PLCL2: variants seen among roughly 807,000 people sequenced by gnomAD.
PLCL2 encodes the protein inactive phospholipase C-like protein 2.
A neutral mutation model predicts 79.6 loss-of-function variants in PLCL2; 4 were observed. The observed-to-expected ratio is 0.05, with a 90% CI of 0.02 to 0.11. PLCL2 has a LOEUF of 0.11. Among genes scored for constraint, PLCL2 ranks in the 10% least tolerant of loss-of-function variants. PLCL2 has a pLI of 1.00. For synonymous variants in PLCL2, 484 were observed against 457.7 expected (o/e 1.06, Z -0.73); for missense variants, 895 against 1,291.0 (o/e 0.69, Z 4.70).
intron 5 of PLCL2, among the ~76,000 whole-genome samples, chr3:17,068,441 A>C (rs867402969): frequency 6.6e-5 from 10 of 152,360 alleles, no homozygotes; most frequent in Middle Eastern, 3.4e-3. Flanking sequence ...TTCATTTAAC[A>C]CTTTAAAGTG....
At chr3:16,894,481 C>T (rs189728843) in intron 1 of PLCL2, among the ~76,000 whole-genome samples, 1 of 152,192 alleles carries the variant, frequency 6.6e-6, no homozygotes, top group East Asian at 1.9e-4. Context: ...ATAGGACAGA[C>T]ATGTGTACAT....
chr3:16,939,622 G>C (rs961086387), intron 1 of PLCL2, among the ~76,000 whole-genome samples: 1 of 152,164 alleles, frequency 6.6e-6, no homozygotes, highest in Non-Finnish European at 1.5e-5. Context: ...CAATAAAAAA[G>C]TAGTTATTTC....
At chr3:17,036,694 C>G (rs2124914944) in intron 3 of PLCL2, among the ~76,000 whole-genome samples, 1 of 152,308 alleles carries the variant, frequency 6.6e-6, no homozygotes, top group South Asian at 2.1e-4. Context: ...GGCTGACCAC[C>G]CACCAGGGAC....
At chr3:16,964,749 T>A (rs2063788547) in intron 1 of PLCL2, among the ~76,000 whole-genome samples, 1 of 152,112 alleles carries the variant, frequency 6.6e-6, no homozygotes, top group African/African-American at 2.4e-5. Flanking sequence ...GTGGTTTTGA[T>A]TTGCATTTCT....
intron 3 of PLCL2, among the ~76,000 whole-genome samples, chr3:17,026,980 C>G (rs1376089264): frequency 6.6e-6 from 1 of 152,034 alleles, no homozygotes; most frequent in Non-Finnish European, 1.5e-5. Context: ...CTAAATATAA[C>G]TGGGATGGTA....
intron 3 of PLCL2, among the ~76,000 whole-genome samples, chr3:17,027,435 C>A (rs1165615115): frequency 6.6e-6 from 1 of 152,178 alleles, no homozygotes; most frequent in Non-Finnish European, 1.5e-5. Context: ...ACTACAGTGG[C>A]AAAGTTGAGT....
At chr3:17,047,346 G>A (rs1438990985) in intron 4 of PLCL2, among the ~76,000 whole-genome samples, 5 of 151,940 alleles carry the variant, frequency 3.3e-5, no homozygotes, top group Admixed American at 3.3e-4. Flanking sequence ...GCATGCCTCA[G>A]GCAGAGGTGA....
intron 1 of PLCL2, among the ~76,000 whole-genome samples, chr3:16,913,684 T>C (rs1280851553): frequency 6.6e-6 from 1 of 152,122 alleles, no homozygotes; most frequent in Non-Finnish European, 1.5e-5. Context: ...AATATGAATA[T>C]ATAAATATAT....
At chr3:16,914,958 C>G (rs1696959977) in intron 1 of PLCL2, among the ~76,000 whole-genome samples, 1 of 152,110 alleles carries the variant, frequency 6.6e-6, no homozygotes, top group Non-Finnish European at 1.5e-5. Context: ...TCTTGAACAC[C>G]TATCCTCAAG....
At chr3:17,048,433 G>C (rs998866750) in intron 4 of PLCL2, among the ~76,000 whole-genome samples, 2 of 152,058 alleles carry the variant, frequency 1.3e-5, no homozygotes, top group African/African-American at 2.4e-5. Context: ...GGCCACAAAT[G>C]CATAAAATAT....
chr3:17,011,926 C>T lies in PLCL2; in HGVS notation c.2580C>T (p.Pro860=), dbSNP rs1342123539. The change falls in exon 2 of 6, where the codon CCC becomes CCT. Residue 860 remains proline (P), a synonymous_variant. Transcript: ENST00000615277. This position sits in a 1 kb window ranked among gnomAD's most constrained non-coding sequence, Gnocchi z 7.9. ...TACAGACGGGCTACCGCCATGTCCC[C>T]CTGCAGTCCTTAACTGGAGAGGTCC... ...ECLQTGYRHV[P]LQSLTGEVLA... 1.2e-6 allele frequency: 2 copies of T among 1,614,218 alleles called. No individual in the cohort carries two copies. The highest frequency in any genetic ancestry group is 1.7e-4 in the Middle Eastern group (1 of 6,060).
chr3:16,971,344 G>C (rs1205459617), intron 1 of PLCL2, among the ~76,000 whole-genome samples: 1 of 151,996 alleles, frequency 6.6e-6, no homozygotes, highest in East Asian at 1.9e-4. Context: ...GCTTGTTTTT[G>C]TCAGGTTTGT....
At chr3:16,895,133 T>C (rs1460233408) in intron 1 of PLCL2, among the ~76,000 whole-genome samples, 2 of 152,068 alleles carry the variant, frequency 1.3e-5, no homozygotes, top group African/African-American at 4.8e-5. Context: ...GAAACATGTA[T>C]CTATATCGAT....
intron 1 of PLCL2, among the ~76,000 whole-genome samples, chr3:16,952,776 A>G (rs1358707528): frequency 6.6e-6 from 1 of 152,068 alleles, no homozygotes; most frequent in Non-Finnish European, 1.5e-5. Context: ...TACCATGATT[A>G]TTTACCTTAT....
rs972068430 is a variant in PLCL2, at chr3:17,068,116, A to G, written c.3204+51A>G. On this transcript the variant is annotated intron_variant, in intron 5 of 5. Transcript: ENST00000615277. ...TGGTGATTTTGCAGCCTCTTTCAGC[A>G]TGCTTCCCTCTCTTAGTATAACATT... 5 of 956,610 alleles carry G rather than the reference A, an allele frequency of 5.2e-6. No individual in the cohort carries two copies. The Admixed American group carries it at 7.0e-5, about 13-fold the overall frequency. 59.3% of individuals were successfully genotyped at this position (956,610 alleles called of 1,614,324 possible).
chr3:17,012,552 A>G (rs1182436136), intron 2 of PLCL2, among the ~76,000 whole-genome samples: 4 of 152,344 alleles, frequency 2.6e-5, no homozygotes, highest in East Asian at 3.9e-4. Flanking sequence ...AGTAAAATGG[A>G]TGTGATCCAG....
intron 4 of PLCL2, among the ~76,000 whole-genome samples, chr3:17,057,401 G>C (rs942878580): frequency 6.6e-6 from 1 of 152,170 alleles, no homozygotes; most frequent in African/African-American, 2.4e-5. Context: ...CGGGGACTCA[G>C]TGATTGGTTC....
At chr3:16,925,226 G>GT (rs35171172) in intron 1 of PLCL2, among the ~76,000 whole-genome samples, 168 of 144,686 alleles carry the variant, frequency 1.2e-3, no homozygotes, top group Middle Eastern at 3.6e-3. Context: ...CCCGGCCAGG[G>GT]TTTTTTTTTT....
intron 5 of PLCL2, among the ~76,000 whole-genome samples, chr3:17,073,521 C>T (rs980577456): frequency 1.3e-5 from 2 of 152,058 alleles, no homozygotes; most frequent in African/African-American, 4.8e-5. Context: ...GTGGCAATTT[C>T]TTAAAATAAG....
Sources: gnomAD v4.1 joint callset for allele counts (sites outside exome capture counted in the v4.1 genomes callset) on GRCh38, gnomAD v4.1.1 for gene constraint, Gnocchi (gnomAD v3.1) non-coding constraint, MANE v1.5 for transcripts, NCBI Gene and HGNC (gene_info 2026-07-23, HGNC 2026-07-21) for gene names.